Variants in MFSD6 observed in about 807,000 individuals in gnomAD.
MFSD6 encodes the protein major facilitator superfamily domain-containing protein 6.
In MFSD6, 26 loss-of-function variants were observed where a neutral mutation model predicts 56.3. That is an observed-to-expected ratio of 0.46 (90% CI 0.34 to 0.64). The LOEUF is 0.64. Ranked by LOEUF, MFSD6 falls within the 30% of genes least tolerant of loss-of-function variation. The pLI is 0.01. For missense variants in MFSD6, 750 were observed against 986.2 expected, an observed-to-expected ratio of 0.76 and a Z score of 3.21; for synonymous variants, 331 against 366.9, an observed-to-expected ratio of 0.90 and a Z score of 1.12.
At chr2:190,409,652 A>C (rs1690473446) in intron 1 of MFSD6, among the ~76,000 whole-genome samples, 1 of 152,228 alleles carries the variant, frequency 6.6e-6, no homozygotes, top group Admixed American at 6.5e-5. Context: ...GTGGACATAC[A>C]GTTGACTAAA....
rs1332444570 is a variant in MFSD6 at position 190,492,232 on chromosome 2, T to G, written c.1891+2366T>G. On this transcript the variant is annotated intron_variant, in intron 6 of 7. Coordinates refer to ENST00000392328, the MANE Select transcript of MFSD6 (RefSeq NM_017694.4). This position sits in a 1 kb window ranked among gnomAD's most constrained non-coding sequence, Gnocchi z 5.2. ...ACATCTGAAAGTATGGAAAACACAT[T>G]TGATGAAATAATCAAGGAAAACTTG... Among the ~76,000 whole-genome samples, 1 of 152,196 alleles carries G rather than the reference T, an allele frequency of 6.6e-6. No individual in the cohort carries two copies. Among genetic ancestry groups the G allele is most frequent in the Non-Finnish European group, 1.5e-5 (1 of 68,034 alleles).
Position 190,439,536 on chromosome 2 carries a change from A to T in MFSD6, c.1532+1975A>T, listed in dbSNP as rs1234715715. ...TTTGCCTTTTGTCTGAGACATATGCAGCATTTTCATGATAAAATCCTAGTG... is the reference window on the plus strand; with the variant it reads ...TTTGCCTTTTGTCTGAGACATATGCTGCATTTTCATGATAAAATCCTAGTG... On this transcript the variant is annotated intron_variant, in intron 3 of 7. Transcript: ENST00000392328. This position sits in a 1 kb window ranked among gnomAD's most constrained non-coding sequence, Gnocchi z 5.8. Among the ~76,000 whole-genome samples, 1 of 152,208 alleles carries T rather than the reference A, an allele frequency of 6.6e-6. No individual in the cohort carries two copies. The highest frequency in any genetic ancestry group is 2.4e-5 in the African/African-American group (1 of 41,454).
intron 4 of MFSD6, among the ~76,000 whole-genome samples, chr2:190,470,126 C>T (rs1687832021): frequency 6.6e-6 from 1 of 152,166 alleles, no homozygotes; most frequent in African/African-American, 2.4e-5. Flanking sequence ...AACTCCTGTG[C>T]ACAACTATTA....
At chr2:190,427,640 A>C (rs1685821690) in intron 2 of MFSD6, among the ~76,000 whole-genome samples, 1 of 151,580 alleles carries the variant, frequency 6.6e-6, no homozygotes, top group South Asian at 2.1e-4. Flanking sequence ...TACTTTATAT[A>C]TTATTGTCTA....
chr2:190,477,834 G>A (rs1160338201), intron 4 of MFSD6, among the ~76,000 whole-genome samples: 1 of 152,180 alleles, frequency 6.6e-6, no homozygotes, highest in Non-Finnish European at 1.5e-5. Flanking sequence ...GAAGCAGGGA[G>A]TGGGAGGATG....
At position 190,438,528 on chromosome 2, in the gene MFSD6, A is replaced by C. The variant is rs1363311284; in HGVS notation, c.1532+967A>C. Among the ~76,000 whole-genome samples, 1 of 151,960 alleles carries C rather than the reference A, an allele frequency of 6.6e-6. No individual in the cohort carries two copies. Among genetic ancestry groups the C allele is most frequent in the Admixed American group, 6.6e-5 (1 of 15,262 alleles). On this transcript the variant is annotated intron_variant, in intron 3 of 7. Coordinates refer to ENST00000392328, the MANE Select transcript of MFSD6 (RefSeq NM_017694.4). The surrounding 1 kb of genome is among the most constrained non-coding windows in gnomAD (Gnocchi z 5.2). ...GAGACTCCATCTAAAAAAAGAGAAC[A>C]CCCTGTAAGTGCCTAGTGTTTCTTG... is the stretch of plus-strand genomic sequence containing the variant.
intron 3 of MFSD6, chr2:190,444,929 T>A: frequency 1.3e-6 from 1 of 786,198 alleles, no homozygotes; most frequent in Non-Finnish European, 1.5e-6. Flanking sequence ...ACTATGTATC[T>A]TGGTAAATTA....
intron 3 of MFSD6, among the ~76,000 whole-genome samples, chr2:190,449,437 G>A (rs930316051): frequency 3.3e-5 from 5 of 151,884 alleles, no homozygotes; most frequent in Non-Finnish European, 7.4e-5. Context: ...TGGCACCACT[G>A]CACACCCGCC....
chr2:190,475,425 C>G (rs1340876003), intron 4 of MFSD6, among the ~76,000 whole-genome samples: 1 of 151,132 alleles, frequency 6.6e-6, no homozygotes. Context: ...CCAGTAACAG[C>G]CAAACACCCA....
At chr2:190,441,018 A>T (rs1484759971) in intron 3 of MFSD6, among the ~76,000 whole-genome samples, 1 of 152,214 alleles carries the variant, frequency 6.6e-6, no homozygotes, top group African/African-American at 2.4e-5. Context: ...AGTAAGTATT[A>T]TAAGAGGGAA....
At chr2:190,474,756 A>G (rs1251782500) in intron 4 of MFSD6, among the ~76,000 whole-genome samples, 1 of 152,242 alleles carries the variant, frequency 6.6e-6, no homozygotes, top group African/African-American at 2.4e-5. Flanking sequence ...TGGCACAGAC[A>G]CAACCAAAAA....
At chr2:190,408,351 G>C (rs1008297685), upstream of MFSD6, 2 of 150,822 alleles carry the variant, frequency 1.3e-5, no homozygotes, top group Admixed American at 6.6e-5. Context: ...GCCCCGCCCA[G>C]CCCGTCGCAG....
In MFSD6 at chr2:190,471,150, G is replaced by T. The variant is rs1215633598; in HGVS notation, c.1630+1295G>T. On this transcript the variant is annotated intron_variant, in intron 4 of 7. Transcript: ENST00000392328. The surrounding 1 kb of genome is among the most constrained non-coding windows in gnomAD (Gnocchi z 4.7). Reference sequence around the variant, plus strand: ...CGAATAGGAACAGCTCCAGTCTACAGGTCTCAGCGTAAGTGACACAGAAGA... The same window carrying T: ...CGAATAGGAACAGCTCCAGTCTACATGTCTCAGCGTAAGTGACACAGAAGA... Among the ~76,000 whole-genome samples, 7 of 152,184 alleles carry T rather than the reference G, an allele frequency of 4.6e-5. No homozygotes were observed. The highest frequency in any genetic ancestry group is 1.0e-4 in the Non-Finnish European group (7 of 68,032).
chr2:190,438,767 AG>A lies in MFSD6; in HGVS notation c.1532+1207del, dbSNP rs1243191903. Among the ~76,000 whole-genome samples, 1 of 152,260 alleles carries A rather than the reference AG, an allele frequency of 6.6e-6. No individual in the cohort carries two copies. Among genetic ancestry groups the A allele is most frequent in the East Asian group, 1.9e-4 (1 of 5,208 alleles). ...ATCTGCTATTTCTATAAGAAATTAA[AG>A]AGGAGAAATAGACAATGACAAGATT... On this transcript the variant is annotated intron_variant, in intron 3 of 7. Coordinates refer to ENST00000392328, the MANE Select transcript of MFSD6 (RefSeq NM_017694.4). The surrounding 1 kb of genome is among the most constrained non-coding windows in gnomAD (Gnocchi z 5.2).
chr2:190,432,647 C>G (rs891059637), intron 2 of MFSD6, among the ~76,000 whole-genome samples: 1 of 152,140 alleles, frequency 6.6e-6, no homozygotes, highest in Non-Finnish European at 1.5e-5. Flanking sequence ...GAACTCCTGA[C>G]CTCAAATGAT....
At chr2:190,476,225 A>G (rs1202129857) in intron 4 of MFSD6, among the ~76,000 whole-genome samples, 1 of 152,218 alleles carries the variant, frequency 6.6e-6, no homozygotes. Flanking sequence ...ATCTAATTAA[A>G]GAGCTTCTGC....
intron 1 of MFSD6, among the ~76,000 whole-genome samples, chr2:190,409,372 G>C (rs1407556565): frequency 1.3e-5 from 2 of 152,078 alleles, no homozygotes; most frequent in Admixed American, 1.3e-4. Context: ...ATCCCAAAAA[G>C]ATTGAATAAG....
rs2125129125 is a variant in MFSD6 at position 190,465,145 on chromosome 2, T to C, written c.1533-4613T>C. Among the ~76,000 whole-genome samples the C allele has an allele frequency of 6.6e-6, 1 of 152,340 alleles. No homozygotes were observed. The highest frequency in any genetic ancestry group is 2.1e-4 in the South Asian group (1 of 4,828). On this transcript the variant is annotated intron_variant, in intron 3 of 7. Transcript: ENST00000392328. The surrounding 1 kb of genome is among the most constrained non-coding windows in gnomAD (Gnocchi z 4.6). ...AAATTAGAATCTGTAACAATTTTTT[T>C]CTCCTACTCTTGTAGTTTGCTCAAA... is the stretch of plus-strand genomic sequence containing the variant.
chr2:190,483,184 G>A (rs1301355040), intron 4 of MFSD6, among the ~76,000 whole-genome samples: 3 of 151,964 alleles, frequency 2.0e-5, no homozygotes, highest in African/African-American at 7.2e-5. Flanking sequence ...GAGCCACCGC[G>A]CCCGGCCGAC....
Sources: gnomAD v4.1 joint callset for allele counts (sites outside exome capture counted in the v4.1 genomes callset) on GRCh38, gnomAD v4.1.1 for gene constraint, Gnocchi (gnomAD v3.1) non-coding constraint, MANE v1.5 for transcripts, NCBI Gene and HGNC (gene_info 2026-07-23, HGNC 2026-07-21) for gene names.